DNPH1: variants seen among roughly 807,000 people sequenced by gnomAD.
DNPH1 encodes the protein 2'-deoxynucleoside 5'-phosphate N-hydrolase 1.
A neutral mutation model predicts 15.7 loss-of-function variants in DNPH1; 18 were observed. The observed-to-expected ratio is 1.15, with a 90% CI of 0.79 to 1.70. The LOEUF is 1.70. Ranked by LOEUF, DNPH1 falls within the 40% of genes most tolerant of loss-of-function variation. The pLI, the probability that DNPH1 is intolerant of heterozygous loss-of-function variation, is 0.00. For missense variants in DNPH1, 262 were observed against 255.2 expected, an observed-to-expected ratio of 1.03 and a Z score of -0.18; for synonymous variants, 114 against 107.9, an observed-to-expected ratio of 1.06 and a Z score of -0.35.
Position 43,229,451 on chromosome 6 carries a change from A to G in DNPH1, c.6T>C (p.Ala2=). The part of the protein sequence containing the change: M[A]AAMVPGRSES... The stretch of plus-strand genomic sequence containing the variant: ...CGCTGCGCCCCGGCACCATGGCAGC[A>G]GCCATTCCCCAGCCGCCCGCGCTCT... Residue 2 remains alanine (A), a synonymous_variant, in exon 1 of 4, where the codon GCT becomes GCC. Transcript: ENST00000230431. 4 of 1,313,430 alleles carry G rather than the reference A, an allele frequency of 3.0e-6. No homozygotes were observed. Among genetic ancestry groups the G allele is most frequent in the African/African-American group, 1.5e-5 (1 of 65,374 alleles). The allele number at this position is 1,313,430 out of a possible 1,614,324, so 81.4% of individuals were successfully genotyped here.
intron 1 of DNPH1, among the ~76,000 whole-genome samples, chr6:43,228,275 A>C (rs2150669789): frequency 6.6e-6 from 1 of 150,888 alleles, no homozygotes; most frequent in South Asian, 2.1e-4. Flanking sequence ...TGGGCAACAT[A>C]GTGAGACTCC....
chr6:43,229,364 G>T lies in DNPH1; in HGVS notation c.93C>A (p.Gly31=). 6.7e-7 allele frequency: 1 copy of T among 1,485,332 alleles called. No homozygotes were observed. 92.0% of individuals were successfully genotyped at this position (1,485,332 alleles called of 1,614,324 possible). The change falls in exon 1 of 4, where the codon GGC becomes GGA. Residue 31 remains glycine (G), a synonymous_variant. Transcript: ENST00000230431. ...CGTACAGCGTCCTGTCCTCGCGTCC[G>T]CCGCGAATGCTCCCGCAGAAGTACA... ...PALYFCGSIR[G]GREDRTLYER...
chr6:43,226,510 T>C lies in DNPH1; in HGVS notation c.197-115A>G, dbSNP rs1475375744. 4.6e-6 allele frequency: 4 copies of C among 863,278 alleles called. No individual in the cohort carries two copies. The highest frequency in any genetic ancestry group is 7.0e-6 in the Non-Finnish European group (4 of 574,120). The allele number at this position is 863,278 out of a possible 1,614,324, so 53.5% of individuals were successfully genotyped here. A position where few individuals can be genotyped will look rare whatever the true frequency, so the allele number is the denominator to read the frequency against. On this transcript the variant is annotated intron_variant, in intron 1 of 3. Transcript: ENST00000230431. This position sits in a 1 kb window ranked among gnomAD's most constrained non-coding sequence, Gnocchi z 4.1. ...GGGAGGGTGGGAGCCTTGTGCCAGATGACCTGACCAAACATGACAATCTCA... is the reference window on the plus strand; with the variant it reads ...GGGAGGGTGGGAGCCTTGTGCCAGACGACCTGACCAAACATGACAATCTCA...
At position 43,226,927 on chromosome 6, in the gene DNPH1, T is replaced by C. The variant is rs1343745954; in HGVS notation, c.197-532A>G. Among the ~76,000 whole-genome samples the C allele has an allele frequency of 2.0e-5, 3 of 149,834 alleles. No individual in the cohort carries two copies. Among genetic ancestry groups the C allele is most frequent in the Non-Finnish European group, 4.4e-5 (3 of 67,676 alleles). ...TTCAAAACCAGCCTGGCCAACATGG[T>C]GAAACCCCATCTTTACTAAAAATAC... is the stretch of plus-strand genomic sequence containing the variant. On this transcript the variant is annotated intron_variant, in intron 1 of 3. Coordinates refer to ENST00000230431, the MANE Select transcript of DNPH1 (RefSeq NM_006443.3). The surrounding 1 kb of genome is among the most constrained non-coding windows in gnomAD (Gnocchi z 4.1).
intron 1 of DNPH1, among the ~76,000 whole-genome samples, chr6:43,228,014 C>T (rs975704536): frequency 6.6e-5 from 10 of 152,168 alleles, no homozygotes; most frequent in East Asian, 3.9e-4. Context: ...TGCTCAAGCC[C>T]GGGAGGCAGA....
Position 43,229,469 on chromosome 6 carries a change from C to G in DNPH1, c.-13G>C, listed in dbSNP as rs1776793769. On this transcript the variant is annotated 5_prime_UTR_variant, in exon 1 of 4. Coordinates refer to ENST00000230431, the MANE Select transcript of DNPH1 (RefSeq NM_006443.3). ...TGGCAGCAGCCATTCCCCAGCCGCC[C>G]GCGCTCTCCGGCGCCAGGGGGCGCC... The G allele has an allele frequency of 4.7e-6, 6 of 1,286,334 alleles. No homozygotes were observed. Among genetic ancestry groups the G allele is most frequent in the Middle Eastern group, 6.0e-4 (2 of 3,360 alleles). 79.7% of individuals were successfully genotyped at this position (1,286,334 alleles called of 1,614,324 possible).
rs1247949326 is a variant in DNPH1 at position 43,226,272 on chromosome 6, G to C, written c.265+55C>G. ...CTAGGTGTGGAGGCTGGGATGTCCA[G>C]GGGAACCCAGCACTCCAGAGGAGTT... On this transcript the variant is annotated intron_variant, in intron 2 of 3. Transcript: ENST00000230431. This position sits in a 1 kb window ranked among gnomAD's most constrained non-coding sequence, Gnocchi z 4.1. The C allele has an allele frequency of 1.2e-6, 2 of 1,603,952 alleles. No homozygotes were observed. Among genetic ancestry groups the C allele is most frequent in the African/African-American group, 1.3e-5 (1 of 74,926 alleles).
At chr6:43,227,406 C>T (rs559123973) in intron 1 of DNPH1, among the ~76,000 whole-genome samples, 13 of 152,124 alleles carry the variant, frequency 8.5e-5, no homozygotes, top group African/African-American at 3.1e-4. Flanking sequence ...CAGAGCAAGA[C>T]TCTGTCTTGG....
chr6:43,229,153 CGCCGGGAGCGCA>C (rs1687727649), intron 1 of DNPH1, 96 bp downstream of exon 1: 1 of 1,144,596 alleles, frequency 8.7e-7, no homozygotes, highest in Non-Finnish European at 1.1e-6. Flanking sequence ...GGGCTCCGGG[CGCCGGGAGCGCA>C]GCTGCCGGGG....
At position 43,226,355 on chromosome 6, in the gene DNPH1, C is replaced by T; in HGVS notation, c.237G>A (p.Gln79=). Residue 79 remains glutamine (Q), a synonymous_variant, in exon 2 of 4, where the codon CAG becomes CAA. Coordinates refer to ENST00000230431, the MANE Select transcript of DNPH1 (RefSeq NM_006443.3). This position sits in a 1 kb window ranked among gnomAD's most constrained non-coding sequence, Gnocchi z 4.1. Reference sequence around the variant, plus strand: ...CCGCCTGCTGCAGCCACTCCAGGTCCTGCTCATGGATGAGCCTGTCACCCC... The same window carrying T: ...CCGCCTGCTGCAGCCACTCCAGGTCTTGCTCATGGATGAGCCTGTCACCCC... The part of the protein sequence containing the change: ...AAGGDRLIHE[Q]DLEWLQQADV... The T allele has an allele frequency of 1.9e-6, 3 of 1,613,048 alleles. No homozygotes were observed. Among genetic ancestry groups the T allele is most frequent in the Non-Finnish European group, 2.5e-6 (3 of 1,179,992 alleles).
In DNPH1 at chr6:43,227,126, A is replaced by T. The variant is rs186823466; in HGVS notation, c.197-731T>A. 3.8e-3 allele frequency among the ~76,000 whole-genome samples: 569 copies of T among 149,358 alleles called. 2 individuals are homozygous for T. Among genetic ancestry groups the T allele is most frequent in the Non-Finnish European group, 6.2e-3 (418 of 67,114 alleles). ...CATCTTAAAAAAAACAAGAAAAAGT[A>T]CAGATTCGGGCCAGGCGCGGTGGCT... On this transcript the variant is annotated intron_variant, in intron 1 of 3. Transcript: ENST00000230431.
rs959092356 is a variant in DNPH1 at position 43,226,492 on chromosome 6, T to C, written c.197-97A>G. ...CCATACCCACCCTGCTCAGGGAGGG[T>C]GGGAGCCTTGTGCCAGATGACCTGA... On this transcript the variant is annotated intron_variant, in intron 1 of 3. Transcript: ENST00000230431. The surrounding 1 kb of genome is among the most constrained non-coding windows in gnomAD (Gnocchi z 4.1). 8.8e-7 allele frequency: 1 copy of C among 1,133,594 alleles called. No homozygotes were observed. The highest frequency in any genetic ancestry group is 2.8e-5 in the Admixed American group (1 of 35,922). The allele number at this position is 1,133,594 out of a possible 1,614,324, so 70.2% of individuals were successfully genotyped here. A position where few individuals can be genotyped will look rare whatever the true frequency, so the allele number is the denominator to read the frequency against.
Position 43,229,342 on chromosome 6 carries a change from A to G in DNPH1, c.115T>C (p.Tyr39His), listed in dbSNP as rs1776789735. The G allele has an allele frequency of 1.3e-6, 2 of 1,493,592 alleles. No homozygotes were observed. The highest frequency in any genetic ancestry group is 1.3e-5 in the South Asian group (1 of 78,548). The allele number at this position is 1,493,592 out of a possible 1,614,324, so 92.5% of individuals were successfully genotyped here. Reference protein sequence around the residue: ...IRGGREDRTLYERIVSRLRRF... With the variant: ...IRGGREDRTLHERIVSRLRRF... ...CGCAGCCGAGACACGATCCGCTCGTACAGCGTCCTGTCCTCGCGTCCGCCG... is the reference window on the plus strand; with the variant it reads ...CGCAGCCGAGACACGATCCGCTCGTGCAGCGTCCTGTCCTCGCGTCCGCCG... The change falls in exon 1 of 4, where the codon TAC becomes CAC. Residue 39 changes from tyrosine to histidine, a missense_variant. Transcript: ENST00000230431.
Position 43,229,010 on chromosome 6 carries a change from A to G in DNPH1, c.196+251T>C. ...AAGCAGCTGAAGACAGAGTTCTCCA[A>G]GAAGGAACCAAAGGTCAAGATAATG... On this transcript the variant is annotated intron_variant, in intron 1 of 3. Coordinates refer to ENST00000230431, the MANE Select transcript of DNPH1 (RefSeq NM_006443.3). 2.6e-5 allele frequency: 10 copies of G among 390,494 alleles called. No individual in the cohort carries two copies. The Middle Eastern group carries it at 3.4e-3, about 135-fold the overall frequency. 24.2% of individuals were successfully genotyped at this position (390,494 alleles called of 1,614,324 possible).
At position 43,225,883 on chromosome 6, in the gene DNPH1, T is replaced by C; in HGVS notation, c.377-2A>G. 6.2e-7 allele frequency: 1 copy of C among 1,613,840 alleles called. No individual in the cohort carries two copies. The highest frequency in any genetic ancestry group is 8.5e-7 in the Non-Finnish European group (1 of 1,179,970). On this transcript the variant is annotated splice_acceptor_variant, in intron 3 of 3. Coordinates refer to ENST00000230431, the MANE Select transcript of DNPH1 (RefSeq NM_006443.3). LOFTEE classifies it high-confidence loss of function. The stretch of plus-strand genomic sequence containing the variant: ...CTCCCCGGATCATGGCCGAAAGCAC[T>C]GGAAAGGGCAGGGAAAGGTGAAGCT...
intron 3 of DNPH1, 57 bp from the exon 4 acceptor site, chr6:43,225,938 T>C (rs1347511071): frequency 6.2e-7 from 1 of 1,613,840 alleles, no homozygotes; most frequent in Admixed American, 1.7e-5. Context: ...ACAGCTCCCT[T>C]ACCCCTTGGG....
intron 1 of DNPH1, 119 bp downstream of exon 1, chr6:43,229,142 C>T: frequency 9.5e-7 from 1 of 1,049,550 alleles, no homozygotes; most frequent in Non-Finnish European, 1.3e-6. Flanking sequence ...GGTAGGAGGG[C>T]GGGCTCCGGG....
intron 1 of DNPH1, among the ~76,000 whole-genome samples, chr6:43,228,220 C>G (rs530531648): frequency 1.8e-4 from 28 of 152,106 alleles, no homozygotes; most frequent in Middle Eastern, 3.4e-3. Flanking sequence ...CTTCGGGAGG[C>G]CTGAGGCGGG....
At chr6:43,229,045 C>T (rs1185138301) in intron 1 of DNPH1, 2 of 479,916 alleles carry the variant, frequency 4.2e-6, no homozygotes, top group Non-Finnish European at 7.8e-6. Context: ...GCTGAGTCTG[C>T]CTTACACCCG....
Sources: allele counts gnomAD v4.1 joint callset (sites outside exome capture counted in the v4.1 genomes callset), GRCh38; gene constraint gnomAD v4.1.1; non-coding constraint Gnocchi (gnomAD v3.1); transcripts MANE v1.5; gene names NCBI Gene and HGNC (gene_info 2026-07-23, HGNC 2026-07-21).